ANKS1B: variants seen among roughly 807,000 people sequenced by gnomAD.
ANKS1B encodes the protein ankyrin repeat and sterile alpha motif domain-containing protein 1B.
ANKS1B carries 36 observed loss-of-function variants against 148.3 expected under a neutral mutation model. The observed-to-expected ratio is 0.24, with a 90% CI of 0.19 to 0.32. The LOEUF is 0.32. ANKS1B is among the 10% of genes least tolerant of loss of function. The probability of loss-of-function intolerance (pLI) is 1.00; values close to 1 mark genes in which losing one functional copy is unlikely to be tolerated. For missense variants in ANKS1B, 1,157 were observed against 1,542.6 expected (o/e 0.75, Z 4.19); for synonymous variants, 542 against 560.8 (o/e 0.97, Z 0.47).
chr12:99,032,779 A>T (rs1379327062), intron 17 of ANKS1B, among the ~76,000 whole-genome samples: 4 of 152,166 alleles, frequency 2.6e-5, no homozygotes, highest in African/African-American at 9.7e-5. Flanking sequence ...GTGTGAGGAA[A>T]CATTTATGGC....
intron 4 of ANKS1B, among the ~76,000 whole-genome samples, chr12:99,795,771 C>G (rs1396762367): frequency 6.6e-6 from 1 of 151,972 alleles, no homozygotes; most frequent in African/African-American, 2.4e-5. Flanking sequence ...CGAATGCCAT[C>G]AATCAGAATT....
chr12:99,325,536 A>G (rs764108854), intron 12 of ANKS1B, among the ~76,000 whole-genome samples: 3 of 151,900 alleles, frequency 2.0e-5, no homozygotes, highest in Admixed American at 6.6e-5. Context: ...AACGATTAAC[A>G]GCAGAAACAA....
intron 4 of ANKS1B, among the ~76,000 whole-genome samples, chr12:99,798,962 C>A (rs1360587172): frequency 6.6e-6 from 1 of 152,040 alleles, no homozygotes. Context: ...CATAAACATA[C>A]ACACCTTTCC....
At position 99,174,870 on chromosome 12, in the gene ANKS1B, T is replaced by C. The variant is rs116685090; in HGVS notation, c.2420-20475A>G. On this transcript the variant is annotated intron_variant, in intron 14 of 26. Coordinates refer to ENST00000683438, the MANE Select transcript of ANKS1B (RefSeq NM_001352186.2). ...AATATACTACATCATGAAATAGTCATTGAATTCCTCTTCTTGCTTTTGTCT... is the reference window on the plus strand; with the variant it reads ...AATATACTACATCATGAAATAGTCACTGAATTCCTCTTCTTGCTTTTGTCT... Among the ~76,000 whole-genome samples the C allele has an allele frequency of 7.9e-3, 1,204 of 152,328 alleles. 20 individuals carry two copies. Among genetic ancestry groups the C allele is most frequent in the African/African-American group, 0.028 (1,157 of 41,570 alleles).
intron 12 of ANKS1B, among the ~76,000 whole-genome samples, chr12:99,388,537 G>A (rs2093957692): frequency 6.6e-6 from 1 of 152,158 alleles, no homozygotes; most frequent in South Asian, 2.1e-4. Context: ...AAAATCAGAG[G>A]AGCATGGGAT....
At chr12:98,874,669 T>C (rs189148923) in intron 17 of ANKS1B, among the ~76,000 whole-genome samples, 129 of 152,288 alleles carry the variant, frequency 8.5e-4, no homozygotes, top group African/African-American at 3.0e-3. Context: ...AGGAACCTGG[T>C]TAAAAATACC....
chr12:99,418,912 T>A (rs765887011), intron 11 of ANKS1B, among the ~76,000 whole-genome samples: 5 of 152,316 alleles, frequency 3.3e-5, no homozygotes, highest in Non-Finnish European at 5.9e-5. Flanking sequence ...TCAATTAATA[T>A]CATTATGTGG....
intron 25 of ANKS1B, among the ~76,000 whole-genome samples, chr12:98,754,570 A>C (rs1196006977): frequency 1.3e-5 from 2 of 152,222 alleles, no homozygotes; most frequent in Admixed American, 1.3e-4. Flanking sequence ...TGTGAGATTC[A>C]GTGATTCTGT....
chr12:99,919,444 A>G (rs1180739190), intron 1 of ANKS1B, among the ~76,000 whole-genome samples: 5 of 152,216 alleles, frequency 3.3e-5, no homozygotes, highest in Non-Finnish European at 5.9e-5. Flanking sequence ...ACTAAAATAA[A>G]CAATAAATAA....
chr12:99,739,937 C>T (rs185223763), intron 8 of ANKS1B, among the ~76,000 whole-genome samples: 1 of 152,298 alleles, frequency 6.6e-6, no homozygotes, highest in African/African-American at 2.4e-5. Context: ...TATCATACTA[C>T]ATATTTTCAC....
chr12:99,638,152 G>A (rs1296487550), intron 9 of ANKS1B, among the ~76,000 whole-genome samples: 1 of 152,166 alleles, frequency 6.6e-6, no homozygotes, highest in Non-Finnish European at 1.5e-5. Flanking sequence ...AACACAGAGA[G>A]TGGGGGACTG....
intron 21 of ANKS1B, 101 bp downstream of exon 21, chr12:98,800,896 G>T (rs1471555417): frequency 1.5e-6 from 2 of 1,363,498 alleles, no homozygotes; most frequent in African/African-American, 1.5e-5. Flanking sequence ...TTCAGTGATG[G>T]ATATGGATAT....
chr12:99,723,757 G>A (rs1256587118), intron 8 of ANKS1B, among the ~76,000 whole-genome samples: 2 of 152,158 alleles, frequency 1.3e-5, no homozygotes, highest in Non-Finnish European at 2.9e-5. Context: ...TCAGATCGGT[G>A]CTCCTCGAGG....
intron 17 of ANKS1B, among the ~76,000 whole-genome samples, chr12:98,843,189 T>G (rs1382461218): frequency 6.6e-6 from 1 of 152,238 alleles, no homozygotes. Flanking sequence ...TGTGGCAGTG[T>G]TGGCAGATGG....
chr12:99,971,606 C>CAA (rs200612388), intron 1 of ANKS1B, among the ~76,000 whole-genome samples: 32 of 109,204 alleles, frequency 2.9e-4, no homozygotes, highest in East Asian at 1.1e-3. Flanking sequence ...TAATTCAGGC[C>CAA]AAAAAAAAAA....
intron 14 of ANKS1B, among the ~76,000 whole-genome samples, chr12:99,241,287 A>G (rs533666833): frequency 1.5e-3 from 225 of 152,368 alleles, no homozygotes; most frequent in African/African-American, 5.1e-3. Context: ...CAAATGAAGT[A>G]GAAAATCTAG....
At chr12:99,812,511 C>CCACACACACACACACACACACA (rs10539640) in intron 2 of ANKS1B, among the ~76,000 whole-genome samples, 200 bp from the exon 3 acceptor site, 1 of 126,034 alleles carries the variant, frequency 7.9e-6, no homozygotes, top group African/African-American at 3.0e-5. Context: ...TCACCCCATG[C>CCACACACACACACACACACACA]CACACACACA....
intron 14 of ANKS1B, among the ~76,000 whole-genome samples, chr12:99,191,041 T>A (rs2263048): frequency 0.67 from 101,395 of 151,298 alleles, 35,904 homozygotes; most frequent in Admixed American, 0.79. Context: ...AGGTGAAGGA[T>A]ATGAACAGAC....
chr12:99,171,250 T>A (rs914107595), intron 14 of ANKS1B, among the ~76,000 whole-genome samples: 2 of 152,214 alleles, frequency 1.3e-5, no homozygotes, highest in Non-Finnish European at 1.5e-5. Context: ...AAACTACATG[T>A]CCTTCTTCCT....
Sources: gnomAD v4.1 joint callset for allele counts (sites outside exome capture counted in the v4.1 genomes callset) on GRCh38, gnomAD v4.1.1 for gene constraint, MANE v1.5 for transcripts, NCBI Gene and HGNC (gene_info 2026-07-23, HGNC 2026-07-21) for gene names.